The following NKAIN2 variants were observed in gnomAD, a reference collection of about 807,000 sequenced individuals.
NKAIN2 encodes the protein sodium/potassium transporting ATPase interacting 2.
NKAIN2 carries 14 observed loss-of-function variants against 32.6 expected under a neutral mutation model. That is an observed-to-expected ratio of 0.43 (90% confidence interval 0.28 to 0.67). The LOEUF is 0.67. Among genes scored for constraint, NKAIN2 ranks in the 30% least tolerant of loss-of-function variants. NKAIN2 has a pLI of 0.17. For missense variants in NKAIN2, 198 were observed against 258.3 expected (o/e 0.77, Z 1.60); for synonymous variants, 80 against 87.2 (o/e 0.92, Z 0.46).
chr6:124,535,344 C>T (rs1222714579), intron 3 of NKAIN2, among the ~76,000 whole-genome samples: 3 of 152,208 alleles, frequency 2.0e-5, no homozygotes, highest in African/African-American at 7.2e-5. Flanking sequence ...AATTAAGTCA[C>T]ATTGAATTTT....
At chr6:124,179,988 A>C (rs1789357676) in intron 1 of NKAIN2, among the ~76,000 whole-genome samples, 1 of 152,186 alleles carries the variant, frequency 6.6e-6, no homozygotes, top group African/African-American at 2.4e-5. Flanking sequence ...GCTGAGAGCC[A>C]CAAATTCTGA....
At chr6:124,111,367 A>T (rs946363837) in intron 1 of NKAIN2, among the ~76,000 whole-genome samples, 2 of 151,950 alleles carry the variant, frequency 1.3e-5, no homozygotes, top group African/African-American at 4.8e-5. Flanking sequence ...TGTTTGCTTT[A>T]TATATCGAGG....
At chr6:124,784,869 T>G (rs1450540391) in intron 4 of NKAIN2, among the ~76,000 whole-genome samples, 1 of 152,146 alleles carries the variant, frequency 6.6e-6, no homozygotes. Context: ...TCAAGATATC[T>G]GTTTTTGGGT....
intron 3 of NKAIN2, chr6:124,437,824 G>C (rs142034657): frequency 3.2e-5 from 12 of 378,798 alleles, no homozygotes; most frequent in African/African-American, 1.7e-4. Flanking sequence ...TTTCCTCAAC[G>C]CATGGGATAC....
chr6:123,843,214 C>T (rs1774948778), intron 1 of NKAIN2, among the ~76,000 whole-genome samples: 1 of 152,042 alleles, frequency 6.6e-6, no homozygotes, highest in African/African-American at 2.4e-5. Flanking sequence ...CAGTGTGTCC[C>T]GAATTCTTGT....
chr6:124,078,808 G>GTGTGTGTGTGTGTT (rs1783819866), intron 1 of NKAIN2, among the ~76,000 whole-genome samples: 1 of 151,736 alleles, frequency 6.6e-6, no homozygotes, highest in Admixed American at 6.6e-5. Context: ...GTGTGTGTGT[G>GTGTGTGTGTGTGTT]TGTGTGTGTG....
At chr6:124,609,257 C>T (rs1782603707) in intron 3 of NKAIN2, among the ~76,000 whole-genome samples, 1 of 152,082 alleles carries the variant, frequency 6.6e-6, no homozygotes, top group South Asian at 2.1e-4. Flanking sequence ...TTAAAATCCT[C>T]TTACAGCCTT....
intron 2 of NKAIN2, among the ~76,000 whole-genome samples, chr6:124,290,546 G>T (rs1454906946): frequency 6.9e-5 from 10 of 144,046 alleles, no homozygotes; most frequent in Admixed American, 1.4e-4. Context: ...GTGTGTGTGT[G>T]TGTGTGCGTC....
intron 1 of NKAIN2, among the ~76,000 whole-genome samples, chr6:124,077,551 C>T (rs1783750103): frequency 6.6e-6 from 1 of 152,100 alleles, no homozygotes; most frequent in South Asian, 2.1e-4. Context: ...TTTATCAATG[C>T]AGCAGCCAAG....
intron 3 of NKAIN2, among the ~76,000 whole-genome samples, chr6:124,524,487 T>A (rs1393293974): frequency 1.3e-5 from 2 of 152,236 alleles, no homozygotes; most frequent in Non-Finnish European, 2.9e-5. Flanking sequence ...ATGTTCATAG[T>A]CTTTTTATTT....
chr6:124,282,392 T>C, intron 1 of NKAIN2: 1 of 251,150 alleles, frequency 4.0e-6, no homozygotes, highest in Non-Finnish European at 7.8e-6. Context: ...TGATCTATAA[T>C]ACAACACTAT....
intron 1 of NKAIN2, among the ~76,000 whole-genome samples, chr6:123,932,402 CTTTCTTT>C (rs1776290331): frequency 1.1e-5 from 1 of 91,216 alleles, no homozygotes; most frequent in African/African-American, 4.5e-5. Context: ...CCTTTTCTGT[CTTTCTTT>C]TTTTTTTTTT....
intron 1 of NKAIN2, among the ~76,000 whole-genome samples, chr6:124,233,950 G>A (rs1304537021): frequency 6.6e-6 from 1 of 152,092 alleles, no homozygotes; most frequent in Admixed American, 6.6e-5. Context: ...TTGCTTTTGA[G>A]TGATTAGTTC....
At chr6:124,357,089 G>A (rs747421739) in intron 3 of NKAIN2, among the ~76,000 whole-genome samples, 5 of 152,128 alleles carry the variant, frequency 3.3e-5, no homozygotes, top group Non-Finnish European at 7.4e-5. Context: ...AGGGCACTAA[G>A]AATTCTTCCA....
intron 3 of NKAIN2, among the ~76,000 whole-genome samples, chr6:124,360,057 T>G (rs1259128648): frequency 2.0e-5 from 3 of 152,208 alleles, no homozygotes; most frequent in African/African-American, 7.2e-5. Context: ...TTGGTTCTGT[T>G]TATATGCTGG....
chr6:123,827,889 C>A (rs1350943346), intron 1 of NKAIN2, among the ~76,000 whole-genome samples: 6 of 151,322 alleles, frequency 4.0e-5, no homozygotes, highest in Non-Finnish European at 8.8e-5. Flanking sequence ...CTCTCTCTCT[C>A]TCTCTCTATA....
intron 1 of NKAIN2, among the ~76,000 whole-genome samples, chr6:124,003,673 C>T (rs1582913071): frequency 6.6e-6 from 1 of 152,186 alleles, no homozygotes; most frequent in African/African-American, 2.4e-5. Context: ...TAAGGCCAAG[C>T]CAATGAGGTT....
At chr6:124,507,449 G>A (rs1270499095) in intron 3 of NKAIN2, among the ~76,000 whole-genome samples, 1 of 152,044 alleles carries the variant, frequency 6.6e-6, no homozygotes, top group South Asian at 2.1e-4. Context: ...TCTTACATCA[G>A]GACCATGATA....
chr6:123,850,581 CT>C (rs1380146781), intron 1 of NKAIN2, among the ~76,000 whole-genome samples: 7 of 152,146 alleles, frequency 4.6e-5, no homozygotes, highest in African/African-American at 1.7e-4. Flanking sequence ...TCACTTCTAA[CT>C]TTGTTTCACT....
Sources: gnomAD v4.1 joint callset for allele counts (sites outside exome capture counted in the v4.1 genomes callset) on GRCh38, gnomAD v4.1.1 for gene constraint, MANE v1.5 for transcripts, NCBI Gene and HGNC (gene_info 2026-07-23, HGNC 2026-07-21) for gene names.